The following ABI1 variants were observed in gnomAD, a reference collection of about 807,000 sequenced individuals.
ABI1 encodes Abelson interactor 1.
Under a neutral mutation model 54.6 loss-of-function variants are expected in ABI1, and 14 were observed. The ratio of observed to expected loss-of-function variants is 0.26; its 90% CI spans 0.17 to 0.40. ABI1 has a LOEUF of 0.40. Ranked by LOEUF, ABI1 falls within the 10% of genes least tolerant of loss-of-function variation. The probability of loss-of-function intolerance (pLI) is 1.00; values close to 1 mark genes in which losing one functional copy is unlikely to be tolerated. For synonymous variants in ABI1, 194 were observed against 209.3 expected (o/e 0.93, Z 0.63); for missense variants, 443 against 598.3 (o/e 0.74, Z 2.71).
At chr10:26,788,137 C>A (rs550044593) in intron 2 of ABI1, among the ~76,000 whole-genome samples, 20 of 152,258 alleles carry the variant, frequency 1.3e-4, no homozygotes, top group African/African-American at 4.8e-4. Flanking sequence ...ATAAGTCTCA[C>A]GAGATCTGAT....
chr10:26,847,278 T>A (rs2134166859), intron 1 of ABI1, among the ~76,000 whole-genome samples: 1 of 152,312 alleles, frequency 6.6e-6, no homozygotes, highest in Admixed American at 6.5e-5. Flanking sequence ...ATTATCTGAT[T>A]ATTCTAAAAG....
chr10:26,819,452 C>G (rs1308490582), intron 2 of ABI1, among the ~76,000 whole-genome samples: 1 of 152,022 alleles, frequency 6.6e-6, no homozygotes, highest in Non-Finnish European at 1.5e-5. Context: ...GACTAAAATG[C>G]AAAGAAAAAT....
intron 2 of ABI1, among the ~76,000 whole-genome samples, chr10:26,799,874 G>A (rs752016916): frequency 6.6e-6 from 1 of 151,794 alleles, no homozygotes; most frequent in African/African-American, 2.4e-5. Context: ...TATTTTTAGG[G>A]ACATCACATC....
rs911299517 is a variant in ABI1, at chr10:26,860,494, G to T, written c.117+253C>A. 2.0e-5 allele frequency among the ~76,000 whole-genome samples: 3 copies of T among 152,164 alleles called. No homozygotes were observed. The highest frequency in any genetic ancestry group is 4.4e-5 in the Non-Finnish European group (3 of 68,012). On this transcript the variant is annotated intron_variant, in intron 1 of 10. Transcript: ENST00000376140. This position sits in a 1 kb window ranked among gnomAD's most constrained non-coding sequence, Gnocchi z 4.1. Reference sequence around the variant, plus strand: ...CGGGCTGCGGCAGCGGCGGGCTCCCGGCTCCCTCGCCCATTTTCTCTCTCC... The same window carrying T: ...CGGGCTGCGGCAGCGGCGGGCTCCCTGCTCCCTCGCCCATTTTCTCTCTCC...
chr10:26,765,377 CTG>C (rs1839814011), intron 6 of ABI1, 59 bp from the exon 7 acceptor site: 1 of 1,195,060 alleles, frequency 8.4e-7, no homozygotes, highest in East Asian at 2.5e-5. Flanking sequence ...TAAAAAAAAA[CTG>C]TAATCACCCA....
At chr10:26,781,715 T>C (rs1027937670) in intron 2 of ABI1, among the ~76,000 whole-genome samples, 2 of 152,200 alleles carry the variant, frequency 1.3e-5, no homozygotes, top group East Asian at 1.9e-4. Context: ...GAATGACATA[T>C]TTAAGACTGT....
At chr10:26,807,555 G>A (rs1419803384) in intron 2 of ABI1, among the ~76,000 whole-genome samples, 2 of 152,180 alleles carry the variant, frequency 1.3e-5, no homozygotes, top group Admixed American at 6.5e-5. Flanking sequence ...GGCAGCAGCT[G>A]AAATCTTTGT....
chr10:26,823,299 C>T lies in ABI1; in HGVS notation c.124G>A (p.Asp42Asn), dbSNP rs758609648. ...YCENNYIQAT[D>N]KRKALEETKA... is the part of the protein sequence containing the mutation. ...GTCTCCTCTAAAGCTTTTCTCTTGTCTGTAGCCTGAAATAAGAACAAAAAC... is the reference window on the plus strand; with the variant it reads ...GTCTCCTCTAAAGCTTTTCTCTTGTTTGTAGCCTGAAATAAGAACAAAAAC... The change falls in exon 2 of 11, where the codon GAC (aspartate) becomes AAC (asparagine). Residue 42 changes from aspartate to asparagine, a missense_variant. This residue lies in a region of ABI1 where 394 missense variants were observed against 484.8 expected (regional missense o/e 0.81). Transcript: ENST00000376140. 2.6e-6 allele frequency: 4 copies of T among 1,515,760 alleles called. No homozygotes were observed. The highest frequency in any genetic ancestry group is 1.4e-5 in the South Asian group (1 of 72,994). The allele number at this position is 1,515,760 out of a possible 1,614,324, so 93.9% of individuals were successfully genotyped here.
intron 1 of ABI1, among the ~76,000 whole-genome samples, chr10:26,837,832 C>A (rs368761469): frequency 0.23 from 33,287 of 142,820 alleles, 4,571 homozygotes; most frequent in South Asian, 0.4. Context: ...CCAGGCTGGT[C>A]TCAAATTCCA....
At chr10:26,790,664 C>T (rs1564504218) in intron 2 of ABI1, 1 of 152,068 alleles carries the variant, frequency 6.6e-6, no homozygotes, top group Non-Finnish European at 1.5e-5. Context: ...GTATTTTTAT[C>T]ACATAAAATG....
intron 2 of ABI1, among the ~76,000 whole-genome samples, chr10:26,818,367 C>T (rs1352478262): frequency 6.6e-6 from 1 of 151,258 alleles, no homozygotes; most frequent in Non-Finnish European, 1.5e-5. Flanking sequence ...GTCTGTAATC[C>T]CAGCACTTTA....
intron 2 of ABI1, among the ~76,000 whole-genome samples, chr10:26,797,480 A>G (rs542760137): frequency 6.6e-6 from 1 of 152,340 alleles, no homozygotes; most frequent in Admixed American, 6.5e-5. Context: ...TCACATTCAC[A>G]TATTATCACA....
intron 8 of ABI1, among the ~76,000 whole-genome samples, chr10:26,756,603 A>C (rs11015266): frequency 0.17 from 26,524 of 152,144 alleles, 2,780 homozygotes; most frequent in South Asian, 0.31. Context: ...CAGGAAATTA[A>C]TACCAAATAC....
chr10:26,776,796 G>C (rs867496564), intron 3 of ABI1: 9 of 299,170 alleles, frequency 3.0e-5, no homozygotes, highest in Middle Eastern at 9.2e-4. Flanking sequence ...GTGAAAGAAA[G>C]ACATAGAATT....
chr10:26,752,974 A>T (rs947028059), intron 9 of ABI1, among the ~76,000 whole-genome samples: 1 of 152,144 alleles, frequency 6.6e-6, no homozygotes. Flanking sequence ...ATCAAATGCC[A>T]ATTTCTGGGG....
intron 1 of ABI1, among the ~76,000 whole-genome samples, chr10:26,823,901 G>A (rs953460113): frequency 6.6e-6 from 1 of 151,806 alleles, no homozygotes; most frequent in Non-Finnish European, 1.5e-5. Flanking sequence ...ACTGTAGGTG[G>A]GTAAGAAGGG....
chr10:26,817,725 CAAT>C (rs1186901974), intron 2 of ABI1, among the ~76,000 whole-genome samples: 1 of 152,024 alleles, frequency 6.6e-6, no homozygotes, highest in Non-Finnish European at 1.5e-5. Flanking sequence ...TATTCTGCCA[CAAT>C]AATAAACAGG....
At position 26,757,758 on chromosome 10, in the gene ABI1, A is replaced by C. The variant is rs1019185884; in HGVS notation, c.997+1304T>G. Among the ~76,000 whole-genome samples, 5 of 152,114 alleles carry C rather than the reference A, an allele frequency of 3.3e-5. No homozygotes were observed. The South Asian group carries it at 8.3e-4, about 25-fold the overall frequency. On this transcript the variant is annotated intron_variant, in intron 8 of 10. Transcript: ENST00000376140. ...AGGAATTTTTGCTATAACATAATTT[A>C]TGTTTAAAATTTAAACAAAAAACTA...
chr10:26,831,760 CTGAT>C (rs2048693559), intron 1 of ABI1, among the ~76,000 whole-genome samples: 1 of 152,108 alleles, frequency 6.6e-6, no homozygotes, highest in Non-Finnish European at 1.5e-5. Flanking sequence ...CTGGATTCAT[CTGAT>C]TGTTTCCTCA....
Sources: allele counts gnomAD v4.1 joint callset (sites outside exome capture counted in the v4.1 genomes callset), GRCh38; gene constraint gnomAD v4.1.1; regional missense constraint gnomAD v4.1.1; non-coding constraint Gnocchi (gnomAD v3.1); transcripts MANE v1.5; gene names NCBI Gene and HGNC (gene_info 2026-07-23, HGNC 2026-07-21).